NDUFAF5: variants seen among roughly 807,000 people sequenced by gnomAD.
NDUFAF5 encodes arginine-hydroxylase NDUFAF5, mitochondrial.
NDUFAF5 carries 34 observed loss-of-function variants against 48.9 expected under a neutral mutation model. The observed-to-expected ratio is 0.70, with a 90% CI of 0.53 to 0.93. NDUFAF5 has a LOEUF of 0.93. Ranked by LOEUF, NDUFAF5 falls within the 40% of genes least tolerant of loss-of-function variation. NDUFAF5 has a pLI of 0.00. For synonymous variants in NDUFAF5, 153 were observed against 150.6 expected (o/e 1.02, Z -0.12); for missense variants, 428 against 427.5 (o/e 1.00, Z -0.01).
intron 8 of NDUFAF5, among the ~76,000 whole-genome samples, chr20:13,812,008 A>G (rs1186354247): frequency 6.6e-6 from 1 of 152,206 alleles, no homozygotes; most frequent in Admixed American, 6.5e-5. Flanking sequence ...TTTTGTGAGC[A>G]TTGTTGTTCT....
intron 1 of NDUFAF5, 22 bp downstream of exon 1, chr20:13,785,312 G>A (rs1221270307): frequency 1.9e-6 from 3 of 1,575,128 alleles, no homozygotes; most frequent in East Asian, 4.5e-5. Context: ...GGGCGGCGGG[G>A]CGGCGGGGCG....
At chr20:13,785,313 C>CG in intron 1 of NDUFAF5, 23 bp downstream of exon 1, 1 of 1,573,776 alleles carries the variant, frequency 6.4e-7, no homozygotes. Flanking sequence ...GGCGGCGGGG[C>CG]GGCGGGGCGG....
intron 7 of NDUFAF5, among the ~76,000 whole-genome samples, 195 bp from the exon 8 acceptor site, chr20:13,808,647 C>T (rs1364779508): frequency 6.6e-6 from 1 of 152,066 alleles, no homozygotes; most frequent in African/African-American, 2.4e-5. Context: ...ATTTCTCTCA[C>T]AATGCAGGAT....
Position 13,817,896 on chromosome 20 carries a change from G to A in NDUFAF5, c.*686G>A, listed in dbSNP as rs1163553715. 1 of 454,140 alleles carries A rather than the reference G, an allele frequency of 2.2e-6. No homozygotes were observed. The highest frequency in any genetic ancestry group is 2.3e-5 in the Admixed American group (1 of 42,580). The allele number at this position is 454,140 out of a possible 1,614,324, so 28.1% of individuals were successfully genotyped here. ...AGTTCACAGTCCTGTTGTTGTCGAGGAGGGTTCAAAATCATTTGGAGATAA... is the reference window on the plus strand; with the variant it reads ...AGTTCACAGTCCTGTTGTTGTCGAGAAGGGTTCAAAATCATTTGGAGATAA... On this transcript the variant is annotated 3_prime_UTR_variant, in exon 11 of 11. Coordinates refer to ENST00000378106, the MANE Select transcript of NDUFAF5 (RefSeq NM_024120.5).
rs1555830705 is a variant in NDUFAF5 at position 13,788,615 on chromosome 20, G to A, written c.290G>A (p.Gly97Asp). 5 of 1,612,552 alleles carry A rather than the reference G, an allele frequency of 3.1e-6. No individual in the cohort carries two copies. Among genetic ancestry groups the A allele is most frequent in the Non-Finnish European group, 4.2e-6 (5 of 1,178,732 alleles). Reference sequence around the variant, plus strand: ...AATTTCCCCCTTGCTTTGGATCTTGGTTGTGGAAGAGGTTACATTGCACAA... The same window carrying A: ...AATTTCCCCCTTGCTTTGGATCTTGATTGTGGAAGAGGTTACATTGCACAA... Reference protein sequence around the residue: ...PRNFPLALDLGCGRGYIAQYL... With the variant: ...PRNFPLALDLDCGRGYIAQYL... Residue 97 changes from glycine (G) to aspartate (D), a missense_variant, in exon 3 of 11, where the codon GGT becomes GAT. Transcript: ENST00000378106.
intron 7 of NDUFAF5, chr20:13,803,504 T>A (rs1310931271): frequency 3.3e-5 from 5 of 152,226 alleles, no homozygotes; most frequent in African/African-American, 4.8e-5. Context: ...GCTATACAGA[T>A]AAAGCGAAAG....
At chr20:13,809,082 A>T (rs999790079) in intron 8 of NDUFAF5, 180 bp downstream of exon 8, 1 of 614,040 alleles carries the variant, frequency 1.6e-6, no homozygotes, top group Non-Finnish European at 2.9e-6. Flanking sequence ...TTCTGATATA[A>T]AATGGAGGAG....
chr20:13,789,470 G>A (rs1981882494), intron 3 of NDUFAF5, among the ~76,000 whole-genome samples: 4 of 149,124 alleles, frequency 2.7e-5, no homozygotes, highest in African/African-American at 7.4e-5. Context: ...CAGCCTTAAA[G>A]TGGAATTTCT....
intron 1 of NDUFAF5, among the ~76,000 whole-genome samples, chr20:13,786,038 A>G (rs533714813): frequency 1.3e-5 from 2 of 152,262 alleles, no homozygotes; most frequent in Admixed American, 1.3e-4. Context: ...TCAAATTAAG[A>G]TTTCTGATTT....
At chr20:13,785,471 C>T (rs117225728) in intron 1 of NDUFAF5, among the ~76,000 whole-genome samples, 181 bp downstream of exon 1, 1 of 152,354 alleles carries the variant, frequency 6.6e-6, no homozygotes, top group East Asian at 1.9e-4. Context: ...TTGTAACATG[C>T]TTTCATTCAT....
intron 4 of NDUFAF5, among the ~76,000 whole-genome samples, 161 bp from the exon 5 acceptor site, chr20:13,794,677 A>G (rs1282932990): frequency 6.6e-6 from 1 of 152,218 alleles, no homozygotes; most frequent in Non-Finnish European, 1.5e-5. Flanking sequence ...TAAGTCATTT[A>G]AGAAATGCTT....
chr20:13,816,324 T>C, intron 8 of NDUFAF5, 139 bp from the exon 9 acceptor site: 1 of 721,186 alleles, frequency 1.4e-6, no homozygotes, highest in Non-Finnish European at 2.6e-6. Context: ...AATCTGAAAG[T>C]GAAATGAGAT....
At chr20:13,802,238 G>T (rs1393482394) in intron 7 of NDUFAF5, among the ~76,000 whole-genome samples, 1 of 152,194 alleles carries the variant, frequency 6.6e-6, no homozygotes. Context: ...TAAGCATGAA[G>T]TCAGCATGGT....
intron 6 of NDUFAF5, among the ~76,000 whole-genome samples, chr20:13,801,112 C>A (rs771525504): frequency 3.9e-5 from 6 of 152,226 alleles, no homozygotes; most frequent in Non-Finnish European, 4.4e-5. Flanking sequence ...TGTTAGAAAA[C>A]GACGTTTCAG....
chr20:13,799,311 T>C (rs571483586), intron 6 of NDUFAF5, among the ~76,000 whole-genome samples: 4 of 152,332 alleles, frequency 2.6e-5, no homozygotes, highest in East Asian at 3.9e-4. Flanking sequence ...TGGCCATATC[T>C]GAACACGTAT....
In NDUFAF5 at chr20:13,793,173, A is replaced by G. The variant is rs771565346; in HGVS notation, c.328-7A>G. 1.2e-6 allele frequency: 2 copies of G among 1,613,994 alleles called. No homozygotes were observed. Among genetic ancestry groups the G allele is most frequent in the Non-Finnish European group, 1.7e-6 (2 of 1,179,934 alleles). ...TGTTTGTTTCAGCTTCAGTTATTCC[A>G]TTGCAGGAAACTATTGGAAAGTTTT... On this transcript the variant is annotated splice_polypyrimidine_tract_variant and splice_region_variant and intron_variant, in intron 3 of 10. Coordinates refer to ENST00000378106, the MANE Select transcript of NDUFAF5 (RefSeq NM_024120.5).
intron 7 of NDUFAF5, among the ~76,000 whole-genome samples, chr20:13,804,537 C>T (rs1394312714): frequency 6.6e-6 from 1 of 151,488 alleles, no homozygotes; most frequent in Non-Finnish European, 1.5e-5. Context: ...TAATAGTTTT[C>T]TAAATTGGTA....
intron 8 of NDUFAF5, among the ~76,000 whole-genome samples, chr20:13,811,737 G>A (rs1985894757): frequency 6.6e-6 from 1 of 152,178 alleles, no homozygotes; most frequent in Non-Finnish European, 1.5e-5. Flanking sequence ...AGGGATGCTG[G>A]AGAAGCAGTT....
chr20:13,811,572 A>G lies in NDUFAF5; in HGVS notation c.778+2670A>G, dbSNP rs146813848. 4.0e-3 allele frequency among the ~76,000 whole-genome samples: 614 copies of G among 152,280 alleles called. 1 individual carries two copies. The highest frequency in any genetic ancestry group is 0.012 in the East Asian group (61 of 5,180). On this transcript the variant is annotated intron_variant, in intron 8 of 10. Transcript: ENST00000378106. ...CAAGCAGGAGTTAGGAGGAGCTAACAGCCTTCTGGTGTGGGGCCTCAGCAG... is the reference window on the plus strand; with the variant it reads ...CAAGCAGGAGTTAGGAGGAGCTAACGGCCTTCTGGTGTGGGGCCTCAGCAG...
Sources: allele counts gnomAD v4.1 joint callset (sites outside exome capture counted in the v4.1 genomes callset), GRCh38; gene constraint gnomAD v4.1.1; transcripts MANE v1.5; gene names NCBI Gene and HGNC (gene_info 2026-07-23, HGNC 2026-07-21).